Variants in SHROOM3 observed in about 807,000 individuals in gnomAD.
SHROOM3 encodes the protein shroom family member 3.
In SHROOM3, 47 loss-of-function variants were observed where a neutral mutation model predicts 138.6. The ratio of observed to expected loss-of-function variants is 0.34; its 90% confidence interval spans 0.27 to 0.43. The LOEUF is 0.43. Ranked by LOEUF, SHROOM3 falls within the 20% of genes least tolerant of loss-of-function variation. SHROOM3 has a pLI of 1.00. For synonymous variants in SHROOM3, 1,062 were observed against 1,063.3 expected, an observed-to-expected ratio of 1.00 and a Z score of 0.02; for missense variants, 2,491 against 2,596.5, an observed-to-expected ratio of 0.96 and a Z score of 0.88.
At chr4:76,600,026 C>T (rs943555959) in intron 2 of SHROOM3, among the ~76,000 whole-genome samples, 2 of 152,110 alleles carry the variant, frequency 1.3e-5, no homozygotes, top group African/African-American at 4.8e-5. Context: ...TGGCACAAGC[C>T]TGTTAGTCCC....
chr4:76,692,802 C>T (rs1413001447), intron 2 of SHROOM3, among the ~76,000 whole-genome samples: 1 of 152,194 alleles, frequency 6.6e-6, no homozygotes, highest in Admixed American at 6.5e-5. Flanking sequence ...ATAGGCAAAA[C>T]TAATCTATGA....
chr4:76,477,999 T>A (rs745406546), intron 1 of SHROOM3, among the ~76,000 whole-genome samples: 13 of 152,206 alleles, frequency 8.5e-5, no homozygotes, highest in Non-Finnish European at 1.8e-4. Flanking sequence ...GAGACTCTCT[T>A]GGGTGCCTAC....
At chr4:76,708,509 G>C (rs1259807353) in intron 2 of SHROOM3, among the ~76,000 whole-genome samples, 1 of 152,194 alleles carries the variant, frequency 6.6e-6, no homozygotes, top group Non-Finnish European at 1.5e-5. Flanking sequence ...AACAAACAAA[G>C]TTAGGGTCTA....
intron 9 of SHROOM3, among the ~76,000 whole-genome samples, chr4:76,765,810 C>T (rs1008015576): frequency 6.6e-6 from 1 of 152,194 alleles, no homozygotes; most frequent in African/African-American, 2.4e-5. Flanking sequence ...GCCTTCAACT[C>T]TTCAAATTTC....
chr4:76,478,659 C>A (rs34646942), intron 1 of SHROOM3, among the ~76,000 whole-genome samples: 11,894 of 152,258 alleles, frequency 0.078, 558 homozygotes, highest in South Asian at 0.18. Flanking sequence ...CAAGTGGGTT[C>A]ATGACCCCCT....
At chr4:76,456,444 T>C (rs1013595752) in intron 1 of SHROOM3, among the ~76,000 whole-genome samples, 2 of 152,230 alleles carry the variant, frequency 1.3e-5, no homozygotes, top group African/African-American at 4.8e-5. Flanking sequence ...TTCAGAGATT[T>C]GTGGAATTTT....
chr4:76,754,804 A>G lies in SHROOM3; in HGVS notation c.4321A>G (p.Ser1441Gly). Reference protein sequence around the residue: ...AKWAHAAREDSLPEESSAPDF... With the variant: ...AKWAHAAREDGLPEESSAPDF... ...GTGGGCCCACGCAGCCAGAGAGGAC[A>G]GCCTTCCTGAGGAATCCTCAGCCCC... The change falls in exon 7 of 11, where the codon AGC (serine) becomes GGC (glycine). Residue 1441 changes from serine to glycine, a missense_variant. Ser to Gly is a moderately conservative substitution (Grantham distance 56). Transcript: ENST00000296043. The G allele has an allele frequency of 6.2e-7, 1 of 1,614,170 alleles. No individual in the cohort carries two copies.
intron 1 of SHROOM3, among the ~76,000 whole-genome samples, chr4:76,545,080 ATTTTCTTT>A (rs1733183606): frequency 6.7e-6 from 1 of 150,162 alleles, no homozygotes; most frequent in Non-Finnish European, 1.5e-5. Context: ...TCCCTCTACT[ATTTTCTTT>A]TTTTCTTTTT....
chr4:76,742,473 G>A (rs1012280497), intron 5 of SHROOM3, among the ~76,000 whole-genome samples: 1 of 152,000 alleles, frequency 6.6e-6, no homozygotes, highest in Non-Finnish European at 1.5e-5. Context: ...TGATAATCCT[G>A]TGCAGCAGAG....
intron 5 of SHROOM3, among the ~76,000 whole-genome samples, chr4:76,744,413 C>G (rs1451656274): frequency 6.6e-6 from 1 of 152,004 alleles, no homozygotes; most frequent in Admixed American, 6.5e-5. Context: ...CTTGAGCTTC[C>G]TCCCTCTCCT....
intron 2 of SHROOM3, among the ~76,000 whole-genome samples, chr4:76,700,852 C>G (rs1719885610): frequency 1.3e-5 from 2 of 151,944 alleles, no homozygotes; most frequent in African/African-American, 4.8e-5. Flanking sequence ...ATGATCTCAG[C>G]TCATTGCAAC....
chr4:76,437,418 A>C (rs1040210737), intron 1 of SHROOM3, among the ~76,000 whole-genome samples: 1 of 152,188 alleles, frequency 6.6e-6, no homozygotes, highest in Non-Finnish European at 1.5e-5. Flanking sequence ...CAGCAGCTCA[A>C]TAATGTGATC....
chr4:76,529,070 A>G (rs1013088305), intron 1 of SHROOM3, among the ~76,000 whole-genome samples: 5 of 152,232 alleles, frequency 3.3e-5, no homozygotes, highest in Non-Finnish European at 5.9e-5. Context: ...CCATAAGGAC[A>G]TTCCCAGTCC....
intron 3 of SHROOM3, among the ~76,000 whole-genome samples, chr4:76,722,954 T>G (rs1377262308): frequency 6.6e-6 from 1 of 151,970 alleles, no homozygotes; most frequent in Non-Finnish European, 1.5e-5. Flanking sequence ...GTAGTCTGAG[T>G]ATATTTTGTA....
At chr4:76,726,724 G>T (rs1318458796) in intron 3 of SHROOM3, among the ~76,000 whole-genome samples, 2 of 151,560 alleles carry the variant, frequency 1.3e-5, no homozygotes, top group African/African-American at 4.9e-5. Context: ...AAAAAAAATT[G>T]AGCCCCCTGC....
At chr4:76,521,928 G>T (rs577109654) in intron 1 of SHROOM3, among the ~76,000 whole-genome samples, 3 of 152,258 alleles carry the variant, frequency 2.0e-5, no homozygotes, top group South Asian at 4.1e-4. Flanking sequence ...ATGATGCACT[G>T]GCAAGGACAT....
At chr4:76,648,385 A>C (rs1283150790) in intron 2 of SHROOM3, among the ~76,000 whole-genome samples, 2 of 152,238 alleles carry the variant, frequency 1.3e-5, no homozygotes, top group Non-Finnish European at 2.9e-5. Context: ...TAAGTGTCTG[A>C]GTAACAATCC....
At chr4:76,471,155 C>T (rs764050900) in intron 1 of SHROOM3, among the ~76,000 whole-genome samples, 2 of 152,030 alleles carry the variant, frequency 1.3e-5, no homozygotes, top group African/African-American at 4.8e-5. Context: ...TCTGAGTTAC[C>T]CTTTGTCTGA....
chr4:76,684,543 CCT>C (rs1210396133), intron 2 of SHROOM3, among the ~76,000 whole-genome samples: 4 of 152,332 alleles, frequency 2.6e-5, no homozygotes, highest in Admixed American at 2.6e-4. Flanking sequence ...ACCTAGTCCT[CCT>C]CTCTCTTTTC....
Sources: allele counts gnomAD v4.1 joint callset (sites outside exome capture counted in the v4.1 genomes callset), GRCh38; gene constraint gnomAD v4.1.1; transcripts MANE v1.5; gene names NCBI Gene and HGNC (gene_info 2026-07-23, HGNC 2026-07-21).